Variants in TMEM108 observed in about 807,000 individuals in gnomAD.
The protein encoded by TMEM108 is transmembrane protein 108, also known as cancer/testis antigen 124.
A neutral mutation model predicts 35.1 loss-of-function variants in TMEM108; 12 were observed. That is an observed-to-expected ratio of 0.34 (90% CI 0.22 to 0.55). The LOEUF is 0.55. Ranked by LOEUF, TMEM108 falls within the 20% of genes least tolerant of loss-of-function variation. The pLI is 0.89. For missense variants in TMEM108, 680 were observed against 753.3 expected, an observed-to-expected ratio of 0.90 and a Z score of 1.14; for synonymous variants, 287 against 308.6, an observed-to-expected ratio of 0.93 and a Z score of 0.73.
rs150711122 is a variant in TMEM108, at chr3:133,102,692, G to A, written c.-47+56672G>A. 4.2e-3 allele frequency among the ~76,000 whole-genome samples: 644 copies of A among 152,238 alleles called. 4 individuals are homozygous for A. The highest frequency in any genetic ancestry group is 7.3e-3 in the Non-Finnish European group (496 of 68,010). ...CAAGTGGTATAAGCTGAAAATATAC[G>A]TATCACATATCCTCATTCTAAGACA... is the stretch of plus-strand genomic sequence containing the variant. On this transcript the variant is annotated intron_variant, in intron 2 of 5. Transcript: ENST00000321871.
chr3:133,386,519 C>T, intron 4 of TMEM108: 2 of 1,533,668 alleles, frequency 1.3e-6, no homozygotes, highest in South Asian at 1.2e-5. Context: ...CTTCCTGTCA[C>T]ACATCTGACA....
At chr3:133,124,151 T>G (rs1329009088) in intron 2 of TMEM108, among the ~76,000 whole-genome samples, 1 of 152,216 alleles carries the variant, frequency 6.6e-6, no homozygotes, top group Non-Finnish European at 1.5e-5. Context: ...CTTCAAGTAT[T>G]CTTTAGAATT....
At chr3:133,088,146 G>T (rs1559828668) in intron 2 of TMEM108, among the ~76,000 whole-genome samples, 1 of 152,162 alleles carries the variant, frequency 6.6e-6, no homozygotes, top group Non-Finnish European at 1.5e-5. Flanking sequence ...TGTTGTCATG[G>T]TATCTGTGGT....
At chr3:133,179,722 G>C (rs972346420) in intron 2 of TMEM108, among the ~76,000 whole-genome samples, 19 of 151,926 alleles carry the variant, frequency 1.3e-4, no homozygotes, top group Admixed American at 1.0e-3. Flanking sequence ...TGAGTTACTG[G>C]GTGCAGCACA....
chr3:133,367,034 C>A (rs1362236878), intron 3 of TMEM108, among the ~76,000 whole-genome samples: 1 of 152,240 alleles, frequency 6.6e-6, no homozygotes, highest in East Asian at 1.9e-4. Flanking sequence ...CTCCCCCTAA[C>A]AACCTCCACC....
intron 2 of TMEM108, among the ~76,000 whole-genome samples, chr3:133,195,871 C>T (rs1945568456): frequency 6.6e-6 from 1 of 152,180 alleles, no homozygotes; most frequent in South Asian, 2.1e-4. Flanking sequence ...GTGAGCACAC[C>T]TATTTTGCTG....
intron 3 of TMEM108, among the ~76,000 whole-genome samples, chr3:133,259,770 C>G (rs1208627834): frequency 1.3e-5 from 2 of 152,128 alleles, no homozygotes; most frequent in Non-Finnish European, 2.9e-5. Context: ...TTACTAATAC[C>G]TGGAGTATGG....
chr3:133,329,993 C>T (rs1486119169), intron 3 of TMEM108, among the ~76,000 whole-genome samples: 1 of 152,078 alleles, frequency 6.6e-6, no homozygotes, highest in Non-Finnish European at 1.5e-5. Context: ...TTCCACCTGT[C>T]TTTTTATGCT....
chr3:133,097,476 A>G (rs534824588), intron 2 of TMEM108, among the ~76,000 whole-genome samples: 56 of 152,328 alleles, frequency 3.7e-4, no homozygotes, highest in Non-Finnish European at 2.9e-4. Context: ...TTCCCAGCCT[A>G]TAAGTTGATT....
At chr3:133,192,284 C>G (rs1945509559) in intron 2 of TMEM108, among the ~76,000 whole-genome samples, 1 of 152,310 alleles carries the variant, frequency 6.6e-6, no homozygotes. Flanking sequence ...AACTAGTTTA[C>G]TCCTCTTATT....
At position 133,317,055 on chromosome 3, in the gene TMEM108, T is replaced by G. The variant is rs1313146148; in HGVS notation, c.41-62697T>G. On this transcript the variant is annotated intron_variant, in intron 3 of 5. Transcript: ENST00000321871. ...AGGATGGGAAGGTTTGTAGATACCT[T>G]TGTGCTTGTCAAAGTAAGGATTTAT... is the stretch of plus-strand genomic sequence containing the variant. Among the ~76,000 whole-genome samples, 3 of 148,842 alleles carry G rather than the reference T, an allele frequency of 2.0e-5. No homozygotes were observed. In the East Asian group the frequency reaches 6.9e-4, roughly 34 times the overall value.
At chr3:133,152,379 C>T (rs1944815150) in intron 2 of TMEM108, among the ~76,000 whole-genome samples, 1 of 152,124 alleles carries the variant, frequency 6.6e-6, no homozygotes, top group African/African-American at 2.4e-5. Flanking sequence ...CTATTTTGTT[C>T]AAGAAGTATC....
intron 3 of TMEM108, among the ~76,000 whole-genome samples, chr3:133,312,142 G>A (rs138735217): frequency 0.01 from 1,546 of 152,342 alleles, 21 homozygotes; most frequent in African/African-American, 0.034. Flanking sequence ...TGAGGTGTCT[G>A]TCAGCCCCTA....
intron 2 of TMEM108, among the ~76,000 whole-genome samples, chr3:133,063,550 G>A (rs535795757): frequency 1.3e-5 from 2 of 152,240 alleles, no homozygotes; most frequent in Admixed American, 1.3e-4. Flanking sequence ...TTCAAGCATT[G>A]GGAATGGTGG....
chr3:133,327,265 G>A (rs2071343736), intron 3 of TMEM108, among the ~76,000 whole-genome samples: 1 of 152,174 alleles, frequency 6.6e-6, no homozygotes. Flanking sequence ...CAGAGCACTG[G>A]GCTTTCTTTG....
intron 2 of TMEM108, among the ~76,000 whole-genome samples, chr3:133,092,304 A>C (rs945088462): frequency 1.3e-5 from 2 of 152,262 alleles, no homozygotes; most frequent in African/African-American, 4.8e-5. Flanking sequence ...TGGTATACCC[A>C]GAGTGATGTG....
chr3:133,319,541 A>G (rs2071239710), intron 3 of TMEM108, among the ~76,000 whole-genome samples: 1 of 152,190 alleles, frequency 6.6e-6, no homozygotes, highest in African/African-American at 2.4e-5. Flanking sequence ...TGTCCACATG[A>G]CAACTTCACT....
Position 133,374,520 on chromosome 3 carries a change from ATG to A in TMEM108, c.41-5226_41-5225del, listed in dbSNP as rs200188724. Among the ~76,000 whole-genome samples the A allele has an allele frequency of 2.2e-3, 329 of 148,324 alleles. 3 individuals are homozygous for A. Among genetic ancestry groups the A allele is most frequent in the African/African-American group, 7.5e-3 (300 of 40,110 alleles). ...ATTTTAAGAGAAAGTGTGTATGTAT[ATG>A]TGTGTATATATAATTTTTGTTATAT... On this transcript the variant is annotated intron_variant, in intron 3 of 5. Transcript: ENST00000321871.
At chr3:133,115,885 G>A (rs1944282157) in intron 2 of TMEM108, among the ~76,000 whole-genome samples, 1 of 152,176 alleles carries the variant, frequency 6.6e-6, no homozygotes, top group Non-Finnish European at 1.5e-5. Context: ...TCAAAGGATA[G>A]AATCATTGCC....
Sources: gnomAD v4.1 joint callset for allele counts (sites outside exome capture counted in the v4.1 genomes callset) on GRCh38, gnomAD v4.1.1 for gene constraint, MANE v1.5 for transcripts, NCBI Gene and HGNC (gene_info 2026-07-23, HGNC 2026-07-21) for gene names.